The following ZNF251 variants were observed in gnomAD, a reference collection of about 807,000 sequenced individuals.
The protein encoded by ZNF251 is zinc finger protein 251.
ZNF251 carries 14 observed loss-of-function variants against 13.5 expected under a neutral mutation model. The ratio of observed to expected loss-of-function variants is 1.04; its 90% CI spans 0.69 to 1.63. ZNF251 has a LOEUF of 1.63. Among genes scored for constraint, ZNF251 ranks in the 40% most tolerant of loss-of-function variants. The probability of loss-of-function intolerance (pLI) is 0.00; values close to 1 mark genes in which losing one functional copy is unlikely to be tolerated. For synonymous variants in ZNF251, 287 were observed against 295.2 expected, an observed-to-expected ratio of 0.97 and a Z score of 0.28; for missense variants, 764 against 834.9, an observed-to-expected ratio of 0.92 and a Z score of 1.05.
At chr8:144,732,628 C>G (rs184498913) in intron 4 of ZNF251, among the ~76,000 whole-genome samples, 54 of 151,364 alleles carry the variant, frequency 3.6e-4, no homozygotes, top group Admixed American at 1.2e-3. Context: ...CTGGCCAACA[C>G]GGTGAAACCC....
rs567250754 is a variant in ZNF251, at chr8:144,731,391, C to A, written c.278-8009G>T. 3.3e-5 allele frequency among the ~76,000 whole-genome samples: 5 copies of A among 152,286 alleles called. No individual in the cohort carries two copies. The East Asian group carries it at 9.6e-4, about 29-fold the overall frequency. On this transcript the variant is annotated intron_variant, in intron 4 of 4. Transcript: ENST00000292562. Reference sequence around the variant, plus strand: ...TCTGGGCAACAATAACATTATATATCTTGATAGAGGTTTGGTTTACACAAG... The same window carrying A: ...TCTGGGCAACAATAACATTATATATATTGATAGAGGTTTGGTTTACACAAG...
intron 4 of ZNF251, among the ~76,000 whole-genome samples, chr8:144,746,650 T>C (rs1336146423): frequency 1.3e-5 from 2 of 152,212 alleles, no homozygotes; most frequent in Non-Finnish European, 2.9e-5. Context: ...AATTGTTGAT[T>C]TGACTTATTT....
rs374718282 is a variant in ZNF251 at position 144,753,696 on chromosome 8, T to G, written c.264A>C (p.Lys88Asn). 6.3e-7 allele frequency: 1 copy of G among 1,581,830 alleles called. No individual in the cohort carries two copies. Among genetic ancestry groups the G allele is most frequent in the African/African-American group, 1.3e-5 (1 of 74,294 alleles). The change falls in exon 4 of 5, where the codon AAA becomes AAC. Residue 88 changes from lysine (K) to asparagine (N), a missense_variant. Transcript: ENST00000292562. ...ATCCATTCTCACCTTTCTGGCAGCT[T>G]TTCAAGATATCTGGTTCCTCAGCTC... ...LLGAEEPDIL[K>N]SCQKDSEVGT...
intron 4 of ZNF251, among the ~76,000 whole-genome samples, chr8:144,736,871 C>T (rs117524180): frequency 0.047 from 7,141 of 150,478 alleles, 313 homozygotes; most frequent in African/African-American, 0.11. Context: ...GGCGTGGTCT[C>T]GGCTCACTGC....
In ZNF251 at chr8:144,720,911, C is replaced by T. The variant is rs960142779; in HGVS notation, c.*733G>A. 6.6e-5 allele frequency: 10 copies of T among 152,126 alleles called. No homozygotes were observed. Among genetic ancestry groups the T allele is most frequent in the Non-Finnish European group, 1.2e-4 (8 of 68,012 alleles). The allele number at this position is 152,126 out of a possible 1,614,324, so 9.4% of individuals were successfully genotyped here. A position where few individuals can be genotyped will look rare whatever the true frequency, so the allele number is the denominator to read the frequency against. ...TTTTGTCAAAGCCCAAAGAACTATA[C>T]ACTAAAAAGAGTAAATTTTATTGTT... On this transcript the variant is annotated 3_prime_UTR_variant, in exon 5 of 5. Coordinates refer to ENST00000292562, the MANE Select transcript of ZNF251 (RefSeq NM_138367.2).
chr8:144,743,191 G>C (rs147242310), intron 4 of ZNF251, among the ~76,000 whole-genome samples: 1 of 152,308 alleles, frequency 6.6e-6, no homozygotes, highest in East Asian at 1.9e-4. Flanking sequence ...AGCCTCCTGA[G>C]TAGCTGGGAT....
At position 144,753,702 on chromosome 8, in the gene ZNF251, G is replaced by A; in HGVS notation, c.258C>T (p.Ile86=). ...TCTCACCTTTCTGGCAGCTTTTCAA[G>A]ATATCTGGTTCCTCAGCTCCCAGAA... ...LNLLGAEEPD[I]LKSCQKDSEV... The change falls in exon 4 of 5, where the codon ATC becomes ATT. Residue 86 remains isoleucine (I), a synonymous_variant. Transcript: ENST00000292562. 2 of 1,586,720 alleles carry A rather than the reference G, an allele frequency of 1.3e-6. No homozygotes were observed. Among genetic ancestry groups the A allele is most frequent in the Non-Finnish European group, 1.7e-6 (2 of 1,165,642 alleles).
chr8:144,725,762 C>T (rs1387975429), intron 4 of ZNF251, among the ~76,000 whole-genome samples: 2 of 152,142 alleles, frequency 1.3e-5, no homozygotes, highest in Admixed American at 1.3e-4. Flanking sequence ...CAAAATTTGA[C>T]AACAGTACGA....
chr8:144,737,746 G>A (rs893115852), intron 4 of ZNF251, among the ~76,000 whole-genome samples: 2 of 149,344 alleles, frequency 1.3e-5, no homozygotes, highest in Non-Finnish European at 3.0e-5. Flanking sequence ...GCAGGAGAAT[G>A]GCGTGAACCC....
At chr8:144,733,096 C>T (rs1425121514) in intron 4 of ZNF251, among the ~76,000 whole-genome samples, 1 of 151,560 alleles carries the variant, frequency 6.6e-6, no homozygotes, top group Non-Finnish European at 1.5e-5. Flanking sequence ...GTGGCATATG[C>T]CTGTAGTCCC....
intron 4 of ZNF251, among the ~76,000 whole-genome samples, chr8:144,748,681 C>G (rs1204399305): frequency 6.6e-6 from 1 of 152,144 alleles, no homozygotes; most frequent in Non-Finnish European, 1.5e-5. Flanking sequence ...CCACATCAGC[C>G]TCTTGAGTAG....
intron 4 of ZNF251, among the ~76,000 whole-genome samples, chr8:144,724,857 A>G (rs577363953): frequency 6.6e-6 from 1 of 152,370 alleles, no homozygotes; most frequent in East Asian, 1.9e-4. Flanking sequence ...ATAGATATAT[A>G]TGTAAGATAG....
intron 4 of ZNF251, chr8:144,730,146 A>T: frequency 6.1e-6 from 6 of 981,582 alleles, no homozygotes; most frequent in Non-Finnish European, 7.3e-6. Flanking sequence ...GGAACCAAAC[A>T]GGGAAGTGGA....
In ZNF251 at chr8:144,755,510, G is replaced by T. The variant is rs1052916286; in HGVS notation, c.-181C>A. ...ACAGAACCGGGTCCAGAGCCGGGGA[G>T]GGGGCGGGCTAGGATGAAGAGGGCG... On this transcript the variant is annotated 5_prime_UTR_variant, in exon 1 of 5. Coordinates refer to ENST00000292562, the MANE Select transcript of ZNF251 (RefSeq NM_138367.2). The T allele has an allele frequency of 1.3e-5, 17 of 1,286,290 alleles. No homozygotes were observed. Among genetic ancestry groups the T allele is most frequent in the African/African-American group, 1.5e-5 (1 of 65,620 alleles). The allele number at this position is 1,286,290 out of a possible 1,614,324, so 79.7% of individuals were successfully genotyped here.
intron 4 of ZNF251, among the ~76,000 whole-genome samples, chr8:144,751,189 C>T (rs1329089188): frequency 6.6e-6 from 1 of 152,162 alleles, no homozygotes; most frequent in Admixed American, 6.6e-5. Context: ...GTCCTCTGAC[C>T]TCACACCTCT....
intron 4 of ZNF251, among the ~76,000 whole-genome samples, chr8:144,741,091 C>T (rs901248484): frequency 1.3e-5 from 2 of 152,186 alleles, no homozygotes; most frequent in Admixed American, 6.5e-5. Context: ...TCCCAGTAGC[C>T]GGAAGGAGCC....
At chr8:144,724,121 G>A (rs945067143) in intron 4 of ZNF251, among the ~76,000 whole-genome samples, 100 of 152,104 alleles carry the variant, frequency 6.6e-4, no homozygotes, top group African/African-American at 2.0e-3. Flanking sequence ...GCAGGCGCCC[G>A]TAGTCCCAGC....
At chr8:144,747,346 A>T (rs1232713636) in intron 4 of ZNF251, among the ~76,000 whole-genome samples, 1 of 151,318 alleles carries the variant, frequency 6.6e-6, no homozygotes, top group African/African-American at 2.5e-5. Flanking sequence ...TTCTTCAAGT[A>T]TGTTAAAGTG....
In ZNF251 at chr8:144,722,564, G is replaced by A. The variant is rs552920738; in HGVS notation, c.1096C>T (p.Gln366Ter). The change falls in exon 5 of 5, where the codon CAG (glutamine) becomes TAG (stop). Residue 366 changes from glutamine to a stop codon, truncating the protein, a stop_gained. Transcript: ENST00000292562. LOFTEE classifies it low-confidence loss of function (END_TRUNC). The surrounding 1 kb of genome is among the most constrained non-coding windows in gnomAD (Gnocchi z 4.8). ...KAFSRSSSLI[Q>*]HERIHTGEKP... ...TCTCCAGTGTGAATTCTCTCATGCT[G>A]AATAAGGCTGGAGCTTCGACTGAAG... 1.2e-6 allele frequency: 2 copies of A among 1,613,990 alleles called. No homozygotes were observed. The highest frequency in any genetic ancestry group is 3.3e-5 in the Admixed American group (2 of 59,992).
Sources: gnomAD v4.1 joint callset for allele counts (sites outside exome capture counted in the v4.1 genomes callset) on GRCh38, gnomAD v4.1.1 for gene constraint, Gnocchi (gnomAD v3.1) non-coding constraint, MANE v1.5 for transcripts, NCBI Gene and HGNC (gene_info 2026-07-23, HGNC 2026-07-21) for gene names.